PTBP3: variants seen among roughly 807,000 people sequenced by gnomAD.
The protein encoded by PTBP3 is polypyrimidine tract binding protein 3.
In PTBP3, 20 loss-of-function variants were observed where a neutral mutation model predicts 58.7. That is an observed-to-expected ratio of 0.34 (90% CI 0.24 to 0.50). The LOEUF (loss-of-function observed/expected upper bound fraction) is 0.50. PTBP3 is among the 20% of genes least tolerant of loss of function. The probability of loss-of-function intolerance (pLI) is 0.98; values close to 1 mark genes in which losing one functional copy is unlikely to be tolerated. For synonymous variants in PTBP3, 185 were observed against 219.8 expected (o/e 0.84, Z 1.40); for missense variants, 509 against 637.2 (o/e 0.80, Z 2.17).
the PTBP3 span, among the ~76,000 whole-genome samples, chr9:112,372,567 G>A: frequency 6.6e-6 from 1 of 152,072 alleles, no homozygotes; most frequent in South Asian, 2.1e-4. Flanking sequence ...ACTCTCTATT[G>A]CCCCCTTCCC....
At chr9:112,290,737 C>CACACACACACACAA (rs1455955448) in intron 2 of PTBP3, among the ~76,000 whole-genome samples, 8 of 146,918 alleles carry the variant, frequency 5.4e-5, no homozygotes, top group African/African-American at 2.0e-4. Flanking sequence ...CACACACACA[C>CACACACACACACAA]AATCAAGTGT....
chr9:112,275,013 C>G (rs556294418), intron 3 of PTBP3, among the ~76,000 whole-genome samples: 33 of 152,288 alleles, frequency 2.2e-4, no homozygotes, highest in Admixed American at 9.8e-4. Context: ...TTCTGTCTTG[C>G]CCGGTGGAAT....
At chr9:112,368,781 A>G in the PTBP3 span, among the ~76,000 whole-genome samples, 3 of 152,208 alleles carry the variant, frequency 2.0e-5, no homozygotes, top group African/African-American at 4.8e-5. Context: ...GCCAAATGTC[A>G]ATTATCAAGA....
chr9:112,238,886 A>G (rs560033429), intron 7 of PTBP3, among the ~76,000 whole-genome samples: 27 of 152,202 alleles, frequency 1.8e-4, no homozygotes, highest in Non-Finnish European at 3.4e-4. Context: ...GTTACCACAG[A>G]CCTTTCCTAA....
chr9:112,269,152 G>A (rs975718769), intron 3 of PTBP3, among the ~76,000 whole-genome samples: 12 of 146,618 alleles, frequency 8.2e-5, no homozygotes, highest in Admixed American at 4.8e-4. Context: ...AGCCGAGATC[G>A]CGCCATTGCA....
chr9:112,266,201 CAAT>C (rs892039713), intron 4 of PTBP3, among the ~76,000 whole-genome samples: 1 of 152,028 alleles, frequency 6.6e-6, no homozygotes, highest in African/African-American at 2.4e-5. Context: ...GACTATACAA[CAAT>C]GTGAGTGTAC....
At chr9:112,304,852 T>A (rs1028000029) in intron 1 of PTBP3, among the ~76,000 whole-genome samples, 1 of 152,204 alleles carries the variant, frequency 6.6e-6, no homozygotes, top group African/African-American at 2.4e-5. Flanking sequence ...TCACAATTAT[T>A]TTTAGTAGAT....
At position 112,232,035 on chromosome 9, in the gene PTBP3, A is replaced by G; in HGVS notation, c.1020+64T>C. The G allele has an allele frequency of 4.5e-6, 6 of 1,326,850 alleles. No homozygotes were observed. In the South Asian group the frequency reaches 9.8e-5, roughly 22 times the overall value. The allele number at this position is 1,326,850 out of a possible 1,614,324, so 82.2% of individuals were successfully genotyped here. A position where few individuals can be genotyped will look rare whatever the true frequency, so the allele number is the denominator to read the frequency against. On this transcript the variant is annotated intron_variant, in intron 9 of 13. Coordinates refer to ENST00000374257, the MANE Select transcript of PTBP3 (RefSeq NM_001163788.4). ...AGAAGAGAAGAAAAGAAAAGAAAGAAAGAAAAAAGTGCTACTATACCTTCT... is the reference window on the plus strand; with the variant it reads ...AGAAGAGAAGAAAAGAAAAGAAAGAGAGAAAAAAGTGCTACTATACCTTCT...
At chr9:112,224,097 AT>A (rs757968824) in intron 13 of PTBP3, 35 bp downstream of exon 13, 1 of 1,555,408 alleles carries the variant, frequency 6.4e-7, no homozygotes, top group Non-Finnish European at 8.8e-7. Context: ...ACCATATTAA[AT>A]AATTTTAATG....
At chr9:112,370,952 C>T in the PTBP3 span, among the ~76,000 whole-genome samples, 3 of 151,992 alleles carry the variant, frequency 2.0e-5, no homozygotes, top group African/African-American at 4.8e-5. Flanking sequence ...AATAAGGTTG[C>T]ATTTTTAATA....
chr9:112,290,697 T>TAC (rs1212533738), intron 2 of PTBP3, among the ~76,000 whole-genome samples: 278 of 62,048 alleles, frequency 4.5e-3, no homozygotes, highest in Admixed American at 0.011. Context: ...AATATATATA[T>TAC]ATATATATAT....
At chr9:112,297,644 C>G (rs1404360659) in intron 2 of PTBP3, among the ~76,000 whole-genome samples, 188 bp downstream of exon 2, 2 of 152,070 alleles carry the variant, frequency 1.3e-5, no homozygotes, top group Non-Finnish European at 2.9e-5. Context: ...CAAATGAATC[C>G]TTAAAATTTG....
intron 4 of PTBP3, among the ~76,000 whole-genome samples, chr9:112,263,534 C>T (rs1289728447): frequency 6.6e-6 from 1 of 152,202 alleles, no homozygotes; most frequent in Admixed American, 6.5e-5. Flanking sequence ...ATCAGACAAA[C>T]TCAAACTGAG....
chr9:112,289,615 T>A lies in PTBP3; in HGVS notation c.34+8217A>T, dbSNP rs140006719. On this transcript the variant is annotated intron_variant, in intron 2 of 13. Transcript: ENST00000374257. ...GGGGAACACAGGGAGACCCAGACTC[T>A]ACAAAAAAATTTAAAAATTAGCTGG... 1.6e-3 allele frequency among the ~76,000 whole-genome samples: 236 copies of A among 152,228 alleles called. 1 individual carries two copies. The highest frequency in any genetic ancestry group is 5.5e-3 in the African/African-American group (229 of 41,550).
intron 4 of PTBP3, among the ~76,000 whole-genome samples, chr9:112,264,606 A>G (rs1321558875): frequency 6.6e-6 from 1 of 152,250 alleles, no homozygotes; most frequent in African/African-American, 2.4e-5. Flanking sequence ...AAAAGATACT[A>G]CAGTACTTTA....
intron 3 of PTBP3, among the ~76,000 whole-genome samples, chr9:112,273,949 G>C (rs1827499867): frequency 6.6e-6 from 1 of 152,204 alleles, no homozygotes; most frequent in Non-Finnish European, 1.5e-5. Flanking sequence ...CCCAGAATCA[G>C]TAGCAGAGAC....
At chr9:112,369,012 T>C in the PTBP3 span, among the ~76,000 whole-genome samples, 2 of 152,234 alleles carry the variant, frequency 1.3e-5, no homozygotes, top group South Asian at 4.2e-4. Flanking sequence ...TTACACGAGG[T>C]CTTGTGCCTG....
At chr9:112,268,712 C>CAAAAAA in intron 3 of PTBP3, among the ~76,000 whole-genome samples, 1 of 94,062 alleles carries the variant, frequency 1.1e-5, no homozygotes, top group Non-Finnish European at 2.2e-5. Context: ...GACACCGTCT[C>CAAAAAA]AAAAAAAAAA....
At position 112,276,027 on chromosome 9, in the gene PTBP3, G is replaced by T; in HGVS notation, c.35-14C>A. ...CATTCCCATTAGCTAAAAAACATAA[G>T]ATTCTTTTTTAAATTACTGCAACTA... On this transcript the variant is annotated splice_polypyrimidine_tract_variant and intron_variant, in intron 2 of 13. Coordinates refer to ENST00000374257, the MANE Select transcript of PTBP3 (RefSeq NM_001163788.4). The T allele has an allele frequency of 1.2e-6, 2 of 1,603,018 alleles. No homozygotes were observed. Among genetic ancestry groups the T allele is most frequent in the Non-Finnish European group, 1.7e-6 (2 of 1,171,198 alleles).
Sources: gnomAD v4.1 joint callset for allele counts (sites outside exome capture counted in the v4.1 genomes callset) on GRCh38, gnomAD v4.1.1 for gene constraint, MANE v1.5 for transcripts, NCBI Gene and HGNC (gene_info 2026-07-23, HGNC 2026-07-21) for gene names.